Variants in MYO16 observed in about 807,000 individuals in gnomAD.
MYO16 encodes myosin XVI.
Under a neutral mutation model 205.3 loss-of-function variants are expected in MYO16, and 94 were observed. That is an observed-to-expected ratio of 0.46 (90% CI 0.39 to 0.54). MYO16 has a LOEUF of 0.54. MYO16 is among the 20% of genes least tolerant of loss of function. The pLI is 0.00. For missense variants in MYO16, 2,315 were observed against 2,387.5 expected (o/e 0.97, Z 0.63); for synonymous variants, 988 against 954.0 (o/e 1.04, Z -0.66).
intron 23 of MYO16, among the ~76,000 whole-genome samples, chr13:109,045,921 T>G (rs1887026159): frequency 1.3e-5 from 2 of 152,154 alleles, no homozygotes; most frequent in Admixed American, 1.3e-4. Context: ...GACACTCAAA[T>G]GTCCACAGGC....
chr13:108,566,263 T>C, the MYO16 span, among the ~76,000 whole-genome samples: 576 of 152,300 alleles, frequency 3.8e-3, 3 homozygotes, highest in African/African-American at 0.013. Context: ...GTAGATTGTA[T>C]GTATTTAGAA....
chr13:108,924,463 C>T (rs368647387), intron 16 of MYO16, among the ~76,000 whole-genome samples: 6 of 152,120 alleles, frequency 3.9e-5, no homozygotes, highest in Non-Finnish European at 8.8e-5. Context: ...ACCCTCACCC[C>T]GTGTTGTCAG....
chr13:108,732,380 AGG>A (rs1446017727), intron 4 of MYO16, among the ~76,000 whole-genome samples: 1 of 152,208 alleles, frequency 6.6e-6, no homozygotes, highest in Non-Finnish European at 1.5e-5. Flanking sequence ...AACTAGTAAG[AGG>A]TTTTGGAAAG....
intron 1 of MYO16, among the ~76,000 whole-genome samples, chr13:108,604,051 G>T (rs1878862536): frequency 6.6e-6 from 1 of 152,066 alleles, no homozygotes; most frequent in Non-Finnish European, 1.5e-5. Context: ...TCACAAGGCG[G>T]CAGGTGAGAG....
At chr13:108,884,862 G>A (rs1269002510) in intron 13 of MYO16, among the ~76,000 whole-genome samples, 1 of 149,920 alleles carries the variant, frequency 6.7e-6, no homozygotes, top group Non-Finnish European at 1.5e-5. Flanking sequence ...GATGAGAAAG[G>A]CTCTGAGACA....
intron 8 of MYO16, among the ~76,000 whole-genome samples, 160 bp downstream of exon 8, chr13:108,820,572 A>G (rs55787628): frequency 0.026 from 3,893 of 152,228 alleles, 126 homozygotes; most frequent in East Asian, 0.11. Context: ...ATCATCGCCT[A>G]TGTACGATGA....
chr13:108,722,734 TC>T (rs1344746622), intron 3 of MYO16, among the ~76,000 whole-genome samples: 2 of 152,164 alleles, frequency 1.3e-5, no homozygotes, highest in African/African-American at 4.8e-5. Flanking sequence ...ATGAAGTAGA[TC>T]CGGGCCTCAC....
At chr13:109,186,107 A>G (rs74123524) in intron 34 of MYO16, among the ~76,000 whole-genome samples, 16,631 of 152,148 alleles carry the variant, frequency 0.11, 1,144 homozygotes, top group African/African-American at 0.18. Flanking sequence ...CTGAGGCTGC[A>G]GTGAGCTGTC....
At chr13:108,783,653 C>A (rs558572709) in intron 4 of MYO16, among the ~76,000 whole-genome samples, 2 of 152,162 alleles carry the variant, frequency 1.3e-5, no homozygotes, top group Non-Finnish European at 2.9e-5. Context: ...AGAATTCCCA[C>A]GTGTTGTGGG....
At chr13:108,775,642 T>C (rs9521034) in intron 4 of MYO16, among the ~76,000 whole-genome samples, 56,709 of 151,974 alleles carry the variant, frequency 0.37, 12,445 homozygotes, top group East Asian at 0.87. Context: ...TTGGATGAAG[T>C]CTTGCTTTGC....
At chr13:108,729,053 A>G (rs1006695578) in intron 4 of MYO16, among the ~76,000 whole-genome samples, 3 of 150,894 alleles carry the variant, frequency 2.0e-5, no homozygotes, top group Admixed American at 2.0e-4. Flanking sequence ...TGGAAGATGG[A>G]GGGTATATTA....
the MYO16 span, among the ~76,000 whole-genome samples, chr13:108,587,294 A>G: frequency 6.6e-6 from 1 of 152,162 alleles, no homozygotes. Context: ...GCTTCTTGAT[A>G]TTATCTGAGT....
At chr13:108,859,500 G>A (rs934062853) in intron 11 of MYO16, among the ~76,000 whole-genome samples, 3 of 152,058 alleles carry the variant, frequency 2.0e-5, no homozygotes, top group Non-Finnish European at 2.9e-5. Flanking sequence ...TTTATAGTAT[G>A]ATCTTTCAAA....
intron 34 of MYO16, among the ~76,000 whole-genome samples, chr13:109,204,598 G>T (rs146580302): frequency 6.2e-4 from 94 of 152,282 alleles, no homozygotes; most frequent in African/African-American, 1.3e-3. Context: ...CAATAGTTGG[G>T]TTAAGCACAG....
At position 108,942,821 on chromosome 13, in the gene MYO16, ACTGT is replaced by A. The variant is rs138246368; in HGVS notation, c.1926-14861_1926-14858del. Among the ~76,000 whole-genome samples the A allele has an allele frequency of 5.9e-3, 894 of 152,292 alleles. 6 individuals carry two copies. The highest frequency in any genetic ancestry group is 0.019 in the African/African-American group (802 of 41,570). On this transcript the variant is annotated intron_variant, in intron 16 of 34. Transcript: ENST00000457511. ...GTTTATAATAACAAAACCACAAAAC[ACTGT>A]CTGTCACAAGTATACAATTTGTTCA...
Position 108,883,204 on chromosome 13 carries a change from T to G in MYO16, c.1553+18T>G. The stretch of plus-strand genomic sequence containing the variant: ...ATCCTCAGGTGAGTCCTCCTCAACC[T>G]TGTCTGCCAGGCTCAGGTTTGCCAC... On this transcript the variant is annotated intron_variant, in intron 13 of 34. Transcript: ENST00000457511. 6.2e-7 allele frequency: 1 copy of G among 1,608,168 alleles called. No homozygotes were observed. Among genetic ancestry groups the G allele is most frequent in the East Asian group, 2.2e-5 (1 of 44,742 alleles).
intron 1 of MYO16, among the ~76,000 whole-genome samples, chr13:108,648,884 T>C (rs1158028337): frequency 6.6e-6 from 1 of 151,980 alleles, no homozygotes; most frequent in Admixed American, 6.6e-5. Flanking sequence ...GGGATTTGAC[T>C]GATATTTTCC....
intron 16 of MYO16, among the ~76,000 whole-genome samples, chr13:108,930,869 ATAAAG>A (rs1566418158): frequency 6.6e-6 from 1 of 152,260 alleles, no homozygotes; most frequent in Non-Finnish European, 1.5e-5. Flanking sequence ...AGTTTGAGTT[ATAAAG>A]TAAACATATG....
chr13:108,928,047 C>T (rs939167665), intron 16 of MYO16, among the ~76,000 whole-genome samples: 5 of 152,228 alleles, frequency 3.3e-5, no homozygotes, highest in African/African-American at 1.2e-4. Context: ...AGCCTGTCTC[C>T]TTCTTTGCTC....
Sources: allele counts gnomAD v4.1 joint callset (sites outside exome capture counted in the v4.1 genomes callset), GRCh38; gene constraint gnomAD v4.1.1; transcripts MANE v1.5; gene names NCBI Gene and HGNC (gene_info 2026-07-23, HGNC 2026-07-21).